NRXN3: variants seen among roughly 807,000 people sequenced by gnomAD.
NRXN3 encodes the protein neurexin III.
A neutral mutation model predicts 137.6 loss-of-function variants in NRXN3; 32 were observed. The ratio of observed to expected loss-of-function variants is 0.23; its 90% CI spans 0.18 to 0.31. The LOEUF is 0.31. NRXN3 is among the 10% of genes least tolerant of loss of function. The probability of loss-of-function intolerance (pLI) is 1.00; values close to 1 mark genes in which losing one functional copy is unlikely to be tolerated. For synonymous variants in NRXN3, 798 were observed against 784.5 expected (o/e 1.02, Z -0.29); for missense variants, 1,574 against 2,062.5 (o/e 0.76, Z 4.59).
intron 1 of NRXN3, among the ~76,000 whole-genome samples, chr14:78,229,733 G>GGTCCTAATACTTGC (rs2065129996): frequency 6.6e-6 from 1 of 152,176 alleles, no homozygotes; most frequent in African/African-American, 2.4e-5. Flanking sequence ...ACTTGCCCTG[G>GGTCCTAATACTTGC]CCTGGGAGGG....
chr14:79,195,671 A>C (rs1019198763), intron 15 of NRXN3, among the ~76,000 whole-genome samples: 1 of 152,194 alleles, frequency 6.6e-6, no homozygotes, highest in Admixed American at 6.5e-5. Flanking sequence ...TTCTGCTATT[A>C]GAGACTCATG....
intron 15 of NRXN3, chr14:79,279,400 C>T: frequency 1.0e-6 from 1 of 986,340 alleles, no homozygotes; most frequent in South Asian, 4.7e-5. Context: ...ACCTGTGCCT[C>T]CCTGGTCCGC....
chr14:78,785,284 G>A (rs563650754), intron 8 of NRXN3, among the ~76,000 whole-genome samples: 1 of 152,236 alleles, frequency 6.6e-6, no homozygotes, highest in South Asian at 2.1e-4. Flanking sequence ...ATTAGTTGTT[G>A]ACTCAAGGAC....
intron 15 of NRXN3, among the ~76,000 whole-genome samples, chr14:79,053,405 C>A (rs1358661523): frequency 6.6e-6 from 1 of 152,156 alleles, no homozygotes; most frequent in East Asian, 1.9e-4. Context: ...GGATTTGATC[C>A]AGGGCTCCCT....
intron 8 of NRXN3, among the ~76,000 whole-genome samples, chr14:78,800,675 A>C (rs2098835999): frequency 6.6e-6 from 1 of 152,132 alleles, no homozygotes; most frequent in African/African-American, 2.4e-5. Context: ...ATTACTTTTC[A>C]TCTTTTGTGT....
At chr14:79,010,233 T>G (rs1461660909) in intron 15 of NRXN3, among the ~76,000 whole-genome samples, 10 of 152,192 alleles carry the variant, frequency 6.6e-5, no homozygotes, top group Non-Finnish European at 1.5e-5. Flanking sequence ...AAAATGAAAT[T>G]CAGGAAGCAC....
intron 15 of NRXN3, among the ~76,000 whole-genome samples, chr14:79,160,409 T>G (rs2060647786): frequency 6.6e-6 from 1 of 151,918 alleles, no homozygotes; most frequent in African/African-American, 2.4e-5. Flanking sequence ...GCCCCATTAG[T>G]TTTGTTGCTT....
intron 4 of NRXN3, among the ~76,000 whole-genome samples, chr14:78,458,260 C>G (rs1427727747): frequency 6.6e-6 from 1 of 152,176 alleles, no homozygotes; most frequent in Non-Finnish European, 1.5e-5. Context: ...GCCCTTTGCT[C>G]AGAGGACTCA....
rs763782979 is a variant in NRXN3 at position 78,699,028 on chromosome 14, C to T, written c.1222-10189C>T. Among the ~76,000 whole-genome samples the T allele has an allele frequency of 1.4e-4, 22 of 152,082 alleles. 1 individual carries two copies. In the Middle Eastern group the frequency reaches 0.01, roughly 71 times the overall value. On this transcript the variant is annotated intron_variant, in intron 6 of 20. Coordinates refer to ENST00000335750, the MANE Select transcript of NRXN3 (RefSeq NM_001330195.2). ...ATTTTTCCACCTCCTCCTGTAAGCA[C>T]GTACTTTGTGTCAGGCATTGAGAGA...
At chr14:79,800,627 G>T (rs1486553513) in intron 19 of NRXN3, among the ~76,000 whole-genome samples, 2 of 152,194 alleles carry the variant, frequency 1.3e-5, no homozygotes, top group South Asian at 4.1e-4. Flanking sequence ...ATTCTATTCT[G>T]AGTCTGAGTC....
At chr14:79,690,843 A>G (rs532527073) in intron 17 of NRXN3, among the ~76,000 whole-genome samples, 4 of 152,170 alleles carry the variant, frequency 2.6e-5, no homozygotes, top group South Asian at 2.1e-4. Flanking sequence ...GCATGCCCCT[A>G]TTCATTTGGT....
At chr14:78,313,497 CA>C (rs2078215428) in intron 4 of NRXN3, among the ~76,000 whole-genome samples, 1 of 151,122 alleles carries the variant, frequency 6.6e-6, no homozygotes, top group Admixed American at 6.6e-5. Context: ...TTTTTTTTAA[CA>C]AAACTTTCTC....
chr14:78,349,150 G>A (rs1044354906), intron 4 of NRXN3, among the ~76,000 whole-genome samples: 2 of 152,210 alleles, frequency 1.3e-5, no homozygotes, highest in African/African-American at 4.8e-5. Flanking sequence ...CATTGCAGGT[G>A]TTTTGTAATA....
chr14:79,148,180 T>C (rs944176883), intron 15 of NRXN3, among the ~76,000 whole-genome samples: 16 of 152,108 alleles, frequency 1.1e-4, no homozygotes, highest in Non-Finnish European at 1.8e-4. Context: ...GTTAGTGGTA[T>C]AAAATTGTTT....
intron 4 of NRXN3, among the ~76,000 whole-genome samples, chr14:78,619,342 G>A (rs79416302): frequency 0.019 from 2,951 of 152,186 alleles, 53 homozygotes; most frequent in Non-Finnish European, 0.03. Context: ...TTCATATGTT[G>A]AAGCCCTAAT....
chr14:79,639,029 C>G (rs191698833), intron 16 of NRXN3, among the ~76,000 whole-genome samples: 2 of 152,218 alleles, frequency 1.3e-5, no homozygotes, highest in African/African-American at 4.8e-5. Context: ...TAATACGGTT[C>G]TATGTCATGG....
At chr14:78,760,034 C>CTTTTTTTTTTTTTT (rs61320632) in intron 8 of NRXN3, among the ~76,000 whole-genome samples, 1 of 86,716 alleles carries the variant, frequency 1.2e-5, no homozygotes, top group Non-Finnish European at 2.1e-5. Context: ...AGCCTGCAGT[C>CTTTTTTTTTTTTTT]TTTTTTTTTT....
intron 15 of NRXN3, among the ~76,000 whole-genome samples, chr14:79,001,864 A>C (rs1567952732): frequency 6.6e-6 from 1 of 152,204 alleles, no homozygotes; most frequent in Non-Finnish European, 1.5e-5. Context: ...GATTATAAAT[A>C]ATGGGGGCAA....
intron 11 of NRXN3, among the ~76,000 whole-genome samples, chr14:78,963,172 T>A (rs1012883970): frequency 6.6e-6 from 1 of 151,876 alleles, no homozygotes; most frequent in South Asian, 2.1e-4. Flanking sequence ...AAACACTTTT[T>A]TTTTTGCTAT....
Sources: gnomAD v4.1 joint callset for allele counts (sites outside exome capture counted in the v4.1 genomes callset) on GRCh38, gnomAD v4.1.1 for gene constraint, MANE v1.5 for transcripts, NCBI Gene and HGNC (gene_info 2026-07-23, HGNC 2026-07-21) for gene names.